SDK1: variants seen among roughly 807,000 people sequenced by gnomAD.
SDK1 encodes protein sidekick-1.
In SDK1, 157 loss-of-function variants were observed where a neutral mutation model predicts 245.5. The ratio of observed to expected loss-of-function variants is 0.64; its 90% CI spans 0.56 to 0.73. SDK1 has a LOEUF of 0.73. Ranked by LOEUF, SDK1 falls within the 30% of genes least tolerant of loss-of-function variation. SDK1 has a pLI of 0.00. For synonymous variants in SDK1, 1,647 were observed against 1,278.5 expected, an observed-to-expected ratio of 1.29 and a Z score of -6.15; for missense variants, 3,583 against 3,002.3, an observed-to-expected ratio of 1.19 and a Z score of -4.52.
Position 4,059,514 on chromosome 7 carries a change from C to G in SDK1, c.2911+7684C>G, listed in dbSNP as rs113439151. Among the ~76,000 whole-genome samples the G allele has an allele frequency of 2.6e-5, 4 of 152,252 alleles. No homozygotes were observed. In the South Asian group the frequency reaches 8.3e-4, roughly 32 times the overall value. ...TACTTGGGGACTTTAACATCCCCCT[C>G]TCAGCATTAGACAGGTCATCTTGAC... On this transcript the variant is annotated intron_variant, in intron 19 of 44. Coordinates refer to ENST00000404826, the MANE Select transcript of SDK1 (RefSeq NM_152744.4).
At chr7:3,995,143 C>T (rs1344210597) in intron 14 of SDK1, among the ~76,000 whole-genome samples, 1 of 152,184 alleles carries the variant, frequency 6.6e-6, no homozygotes, top group African/African-American at 2.4e-5. Flanking sequence ...TATCTCCAGC[C>T]ACTCACCATT....
chr7:3,968,017 C>A (rs1782209157), intron 10 of SDK1, among the ~76,000 whole-genome samples: 1 of 152,260 alleles, frequency 6.6e-6, no homozygotes, highest in Non-Finnish European at 1.5e-5. Flanking sequence ...TCTTCTCTAT[C>A]CACGCCCTTC....
intron 1 of SDK1, among the ~76,000 whole-genome samples, chr7:3,604,183 T>C (rs1781342944): frequency 6.6e-6 from 1 of 152,200 alleles, no homozygotes; most frequent in Admixed American, 6.5e-5. Flanking sequence ...GGTATCAGGA[T>C]GATGTTGGCC....
At chr7:3,402,313 T>C (rs1363341534) in intron 1 of SDK1, among the ~76,000 whole-genome samples, 1 of 152,144 alleles carries the variant, frequency 6.6e-6, no homozygotes, top group South Asian at 2.1e-4. Flanking sequence ...ATTCAGAGAG[T>C]AATGGAGGAG....
At chr7:4,061,474 A>G (rs1313164398) in intron 19 of SDK1, among the ~76,000 whole-genome samples, 2 of 152,084 alleles carry the variant, frequency 1.3e-5, no homozygotes, top group African/African-American at 4.8e-5. Flanking sequence ...TTAAAAAGTC[A>G]GGAAACAACA....
intron 5 of SDK1, among the ~76,000 whole-genome samples, chr7:3,823,427 G>T (rs961005731): frequency 6.6e-6 from 1 of 152,138 alleles, no homozygotes; most frequent in Non-Finnish European, 1.5e-5. Flanking sequence ...CACTGAAACT[G>T]TTTAACATCA....
chr7:3,372,852 A>G (rs1781261258), intron 1 of SDK1, among the ~76,000 whole-genome samples: 1 of 152,190 alleles, frequency 6.6e-6, no homozygotes, highest in Non-Finnish European at 1.5e-5. Flanking sequence ...AGCCAGAGTT[A>G]CCTAAATTCT....
intron 19 of SDK1, among the ~76,000 whole-genome samples, chr7:4,052,774 C>A (rs1314164195): frequency 6.6e-6 from 1 of 152,062 alleles, no homozygotes; most frequent in Non-Finnish European, 1.5e-5. Context: ...AGTCTGTACT[C>A]CCTCTGTAAT....
chr7:3,317,945 A>G (rs896438502), intron 1 of SDK1, among the ~76,000 whole-genome samples: 8 of 152,196 alleles, frequency 5.3e-5, no homozygotes, highest in Non-Finnish European at 1.0e-4. Flanking sequence ...AATTCATACC[A>G]TATCAAAATG....
Position 3,385,946 on chromosome 7 carries a change from T to G in SDK1, c.298+84062T>G, listed in dbSNP as rs543925298. Among the ~76,000 whole-genome samples the G allele has an allele frequency of 1.8e-4, 27 of 152,272 alleles. No individual in the cohort carries two copies. In the South Asian group the frequency reaches 5.4e-3, roughly 30 times the overall value. ...GTAAAATTCTCTAGTAGAATCAAAA[T>G]ACATGTGCTCTCCCTTTCCTCTGCA... On this transcript the variant is annotated intron_variant, in intron 1 of 44. Transcript: ENST00000404826.
chr7:3,632,281 A>G (rs1782318036), intron 2 of SDK1, among the ~76,000 whole-genome samples: 1 of 152,214 alleles, frequency 6.6e-6, no homozygotes, highest in Non-Finnish European at 1.5e-5. Flanking sequence ...GTAGGAATGA[A>G]TGACGAATGC....
intron 35 of SDK1, among the ~76,000 whole-genome samples, chr7:4,181,675 C>T (rs1346359666): frequency 6.6e-6 from 1 of 152,212 alleles, no homozygotes; most frequent in Non-Finnish European, 1.5e-5. Flanking sequence ...GGCCTGGGCT[C>T]TGCCACCTGC....
chr7:3,512,655 T>C (rs545056617), intron 1 of SDK1, among the ~76,000 whole-genome samples: 3 of 152,310 alleles, frequency 2.0e-5, no homozygotes, highest in Non-Finnish European at 4.4e-5. Flanking sequence ...TCTAGTGATA[T>C]GTTGTTGTTG....
chr7:3,851,018 G>A (rs979870977), intron 5 of SDK1, among the ~76,000 whole-genome samples: 3 of 151,770 alleles, frequency 2.0e-5, no homozygotes, highest in African/African-American at 7.3e-5. Context: ...AAAAAAAAAA[G>A]AAGACACCTT....
intron 5 of SDK1, among the ~76,000 whole-genome samples, chr7:3,857,080 A>T (rs73312005): frequency 6.6e-6 from 1 of 152,192 alleles, no homozygotes; most frequent in Non-Finnish European, 1.5e-5. Context: ...ATCAACTCCT[A>T]TTAACTGAAA....
chr7:4,232,222 G>C (rs887213305), intron 40 of SDK1, among the ~76,000 whole-genome samples: 2 of 151,734 alleles, frequency 1.3e-5, no homozygotes, highest in Non-Finnish European at 1.5e-5. Context: ...CTACAGACAA[G>C]GGTCAGAGAG....
intron 41 of SDK1, among the ~76,000 whole-genome samples, chr7:4,233,832 C>T (rs1785966225): frequency 6.6e-6 from 1 of 152,150 alleles, no homozygotes; most frequent in South Asian, 2.1e-4. Context: ...GAGCCTCCCC[C>T]AGCACCACCA....
chr7:3,347,264 A>G (rs554117932), intron 1 of SDK1, among the ~76,000 whole-genome samples: 1 of 152,046 alleles, frequency 6.6e-6, no homozygotes, highest in African/African-American at 2.4e-5. Context: ...TACTCTGACA[A>G]CACTTGGCAC....
At chr7:3,937,952 C>G (rs1232368750) in intron 5 of SDK1, among the ~76,000 whole-genome samples, 2 of 152,120 alleles carry the variant, frequency 1.3e-5, no homozygotes, top group African/African-American at 2.4e-5. Context: ...GTTCTCCTGT[C>G]TCAGCCTTCT....
Sources: allele counts gnomAD v4.1 joint callset (sites outside exome capture counted in the v4.1 genomes callset), GRCh38; gene constraint gnomAD v4.1.1; transcripts MANE v1.5; gene names NCBI Gene and HGNC (gene_info 2026-07-23, HGNC 2026-07-21).